Variants in MCM9 observed in about 807,000 individuals in gnomAD.
MCM9 encodes DNA helicase MCM9.
A neutral mutation model predicts 72.8 loss-of-function variants in MCM9; 55 were observed. The ratio of observed to expected loss-of-function variants is 0.76; its 90% CI spans 0.61 to 0.95. The LOEUF is 0.95. Ranked by LOEUF, MCM9 falls within the 40% of genes least tolerant of loss-of-function variation. The probability of loss-of-function intolerance (pLI) is 0.00; values close to 1 mark genes in which losing one functional copy is unlikely to be tolerated. For missense variants in MCM9, 1,279 were observed against 1,377.0 expected, an observed-to-expected ratio of 0.93 and a Z score of 1.13; for synonymous variants, 480 against 503.4, an observed-to-expected ratio of 0.95 and a Z score of 0.62.
intron 9 of MCM9, among the ~76,000 whole-genome samples, chr6:118,833,516 G>A (rs1421600177): frequency 6.6e-6 from 1 of 152,194 alleles, no homozygotes. Flanking sequence ...ACAGCTGAGA[G>A]GCGGAGAAAA....
At chr6:118,902,139 TA>T in intron 8 of MCM9, among the ~76,000 whole-genome samples, 1 of 152,326 alleles carries the variant, frequency 6.6e-6, no homozygotes, top group East Asian at 1.9e-4. Context: ...TGTGAGTGCA[TA>T]ACCATGTAAA....
At chr6:118,855,980 A>C (rs1038487539) in intron 9 of MCM9, among the ~76,000 whole-genome samples, 12 of 152,184 alleles carry the variant, frequency 7.9e-5, no homozygotes, top group African/African-American at 2.9e-4. Context: ...TTATAAGGAG[A>C]ATGCTGGAAA....
At chr6:118,817,526 T>C (rs562767278) in intron 13 of MCM9, among the ~76,000 whole-genome samples, 16 of 152,358 alleles carry the variant, frequency 1.1e-4, no homozygotes, top group Middle Eastern at 3.4e-3. Context: ...ATTTTCTTTA[T>C]CCAGTGTATC....
intron 8 of MCM9, among the ~76,000 whole-genome samples, chr6:118,887,012 A>T (rs145302556): frequency 0.024 from 3,581 of 152,300 alleles, 159 homozygotes; most frequent in African/African-American, 0.082. Context: ...AAGAAATTAA[A>T]GGCGAACTCA....
At chr6:118,917,433 C>G (rs1781053651) in intron 6 of MCM9, 128 bp downstream of exon 6, 1 of 906,182 alleles carries the variant, frequency 1.1e-6, no homozygotes, top group Non-Finnish European at 1.7e-6. Flanking sequence ...GAGGTAATGA[C>G]TAATCCTACC....
intron 1 of MCM9, among the ~76,000 whole-genome samples, chr6:118,933,504 CAAAA>C (rs201751510): frequency 3.8e-5 from 5 of 130,912 alleles, no homozygotes; most frequent in Admixed American, 7.5e-5. Flanking sequence ...GACTCCGCCT[CAAAA>C]AAAAAAAAAA....
chr6:118,882,363 G>C (rs532006699), intron 8 of MCM9, among the ~76,000 whole-genome samples: 52 of 152,320 alleles, frequency 3.4e-4, no homozygotes, highest in African/African-American at 1.2e-3. Context: ...GGAAATTCAA[G>C]CCTAATGGAG....
intron 8 of MCM9, among the ~76,000 whole-genome samples, chr6:118,887,458 A>G (rs2114429068): frequency 6.6e-6 from 1 of 152,350 alleles, no homozygotes; most frequent in South Asian, 2.1e-4. Context: ...CCTTCACACC[A>G]TATACAAAAA....
intron 9 of MCM9, among the ~76,000 whole-genome samples, chr6:118,842,666 T>A (rs910863382): frequency 1.3e-5 from 2 of 152,154 alleles, no homozygotes; most frequent in Non-Finnish European, 2.9e-5. Flanking sequence ...ACCACAGGCA[T>A]GCATCACCAC....
chr6:118,917,539 G>A (rs1020702463), intron 6 of MCM9, 22 bp downstream of exon 6: 1 of 1,608,754 alleles, frequency 6.2e-7, no homozygotes, highest in African/African-American at 1.3e-5. Flanking sequence ...ATAATAATCA[G>A]TTTTAGCCCT....
intron 11 of MCM9, 35 bp from the exon 12 acceptor site, chr6:118,826,899 A>G: frequency 6.7e-7 from 1 of 1,503,028 alleles, no homozygotes; most frequent in Non-Finnish European, 9.0e-7. Flanking sequence ...TTTTAGGAAT[A>G]TTTGAGGTGA....
Position 118,917,561 on chromosome 6 carries a change from C to T in MCM9, c.904G>A (p.Gly302Arg). The T allele has an allele frequency of 6.2e-7, 1 of 1,613,950 alleles. No homozygotes were observed. Among genetic ancestry groups the T allele is most frequent in the Non-Finnish European group, 8.5e-7 (1 of 1,179,884 alleles). The change falls in exon 6 of 14, where the codon GGA (glycine) becomes AGA (arginine). Residue 302 changes from glycine (G) to arginine (R), a missense_variant and splice_region_variant. Transcript: ENST00000619706. Reference protein sequence around the residue: ...WEYYKSDPFAGRNVILASLCP... With the variant: ...WEYYKSDPFARRNVILASLCP... ...TCAGTTTTAGCCCTTAAACACAAAC[C>T]TGCAAAGGGATCGCTCTTATAGTAT...
At position 118,826,250 on chromosome 6, in the gene MCM9, AG is replaced by A; in HGVS notation, c.1857del (p.Pro621LeufsTer19). The A allele has an allele frequency of 6.4e-7, 1 of 1,550,504 alleles. No individual in the cohort carries two copies. The highest frequency in any genetic ancestry group is 8.7e-7 in the Non-Finnish European group (1 of 1,146,942). On this transcript the variant is annotated frameshift_variant, in exon 13 of 14. Transcript: ENST00000619706. LOFTEE classifies it high-confidence loss of function. Reference sequence around the variant, plus strand: ...TACTGCTCTCCAGGGTTTTCAGGAAAGGAAGTGTGGAGGGCATTCACACCTC... The same window carrying A: ...TACTGCTCTCCAGGGTTTTCAGGAAAGAAGTGTGGAGGGCATTCACACCTC... ...LLGGVNALHT[S>X]FPENPGEQYQ...
intron 8 of MCM9, among the ~76,000 whole-genome samples, chr6:118,893,188 G>C (rs1562425984): frequency 6.6e-6 from 1 of 151,570 alleles, no homozygotes; most frequent in African/African-American, 2.4e-5. Context: ...CAGCATAAAC[G>C]AATCAACATT....
At chr6:118,848,040 G>T (rs1178748786) in intron 9 of MCM9, among the ~76,000 whole-genome samples, 1 of 151,884 alleles carries the variant, frequency 6.6e-6, no homozygotes, top group African/African-American at 2.4e-5. Flanking sequence ...CCCCTCCTAA[G>T]GCATCTGCTA....
intron 8 of MCM9, among the ~76,000 whole-genome samples, chr6:118,861,735 A>G (rs1434260241): frequency 1.3e-5 from 2 of 152,116 alleles, no homozygotes; most frequent in Admixed American, 6.5e-5. Flanking sequence ...TGACTGGTCC[A>G]CGGGTGGACC....
chr6:118,843,728 A>ATGTG (rs1441317281), intron 9 of MCM9, among the ~76,000 whole-genome samples: 3,652 of 135,926 alleles, frequency 0.027, 141 homozygotes, highest in East Asian at 0.12. Context: ...ATGTATATAT[A>ATGTG]TATATATATA....
At chr6:118,899,207 A>G (rs1461406412) in intron 8 of MCM9, among the ~76,000 whole-genome samples, 2 of 152,206 alleles carry the variant, frequency 1.3e-5, no homozygotes, top group African/African-American at 2.4e-5. Flanking sequence ...ACAGCAATCA[A>G]AGCATTCCTT....
intron 10 of MCM9, 162 bp downstream of exon 10, chr6:118,828,886 C>T: frequency 1.5e-6 from 1 of 656,348 alleles, no homozygotes; most frequent in Non-Finnish European, 2.5e-6. Flanking sequence ...ATTCTGAGGC[C>T]CCGTAAGTGG....
Sources: gnomAD v4.1 joint callset for allele counts (sites outside exome capture counted in the v4.1 genomes callset) on GRCh38, gnomAD v4.1.1 for gene constraint, MANE v1.5 for transcripts, NCBI Gene and HGNC (gene_info 2026-07-23, HGNC 2026-07-21) for gene names.